Variants in CEP152 observed in about 807,000 individuals in gnomAD.
CEP152 encodes centrosomal protein of 152 kDa.
Under a neutral mutation model 188.9 loss-of-function variants are expected in CEP152, and 132 were observed. The ratio of observed to expected loss-of-function variants is 0.70; its 90% CI spans 0.61 to 0.81. CEP152 has a LOEUF of 0.81. CEP152 is among the 30% of genes least tolerant of loss of function. The probability of loss-of-function intolerance (pLI) is 0.00; values close to 1 mark genes in which losing one functional copy is unlikely to be tolerated. For synonymous variants in CEP152, 649 were observed against 666.6 expected, an observed-to-expected ratio of 0.97 and a Z score of 0.41; for missense variants, 1,914 against 1,969.8, an observed-to-expected ratio of 0.97 and a Z score of 0.54.
chr15:48,754,672 C>G (rs2140657619), intron 20 of CEP152, among the ~76,000 whole-genome samples: 1 of 152,230 alleles, frequency 6.6e-6, no homozygotes, highest in East Asian at 1.9e-4. Flanking sequence ...ATGGAGTGAG[C>G]TGATCTTTCA....
intron 8 of CEP152, chr15:48,789,297 T>C (rs1242343374): frequency 8.9e-6 from 4 of 448,052 alleles, no homozygotes; most frequent in African/African-American, 4.0e-5. Context: ...AGGCACGGAA[T>C]CTGCTGATGC....
chr15:48,809,970 C>CT (rs1898224412), intron 1 of CEP152, among the ~76,000 whole-genome samples: 1 of 152,228 alleles, frequency 6.6e-6, no homozygotes, highest in African/African-American at 2.4e-5. Context: ...CCCCATGGAG[C>CT]TGGCCACTCC....
At chr15:48,798,884 ACTGT>A (rs1282107423) in intron 2 of CEP152, among the ~76,000 whole-genome samples, 3 of 151,854 alleles carry the variant, frequency 2.0e-5, no homozygotes, top group African/African-American at 7.2e-5. Flanking sequence ...GATTTCAATA[ACTGT>A]CTGCTATTGT....
intron 19 of CEP152, among the ~76,000 whole-genome samples, chr15:48,757,148 C>G (rs564384914): frequency 1.5e-4 from 22 of 150,398 alleles, no homozygotes; most frequent in Admixed American, 8.2e-4. Flanking sequence ...AAAGTAATAG[C>G]GAAATCAAAA....
chr15:48,781,086 C>T (rs1896209874), intron 12 of CEP152, 110 bp downstream of exon 12: 1 of 925,276 alleles, frequency 1.1e-6, no homozygotes, highest in Non-Finnish European at 1.7e-6. Context: ...ATTCAATACA[C>T]AGTGTTAACA....
At chr15:48,768,514 T>C (rs1180116136) in intron 14 of CEP152, among the ~76,000 whole-genome samples, 186 bp from the exon 15 acceptor site, 1 of 152,232 alleles carries the variant, frequency 6.6e-6, no homozygotes, top group Non-Finnish European at 1.5e-5. Flanking sequence ...TAGATTCATT[T>C]ATTTGACAAG....
At chr15:48,764,147 GTCT>G (rs1299463787) in intron 17 of CEP152, among the ~76,000 whole-genome samples, 2 of 152,312 alleles carry the variant, frequency 1.3e-5, no homozygotes, top group Non-Finnish European at 2.9e-5. Flanking sequence ...AAGAAGAATT[GTCT>G]TCTAAAGTTA....
At chr15:48,761,478 A>G (rs1016520478) in intron 18 of CEP152, among the ~76,000 whole-genome samples, 10 of 152,210 alleles carry the variant, frequency 6.6e-5, no homozygotes, top group African/African-American at 2.4e-4. Flanking sequence ...CCTGTCAGGT[A>G]GTCTGTGAGG....
intron 7 of CEP152, 109 bp downstream of exon 7, chr15:48,793,212 C>A: frequency 7.7e-7 from 1 of 1,290,834 alleles, no homozygotes. Context: ...CACTATGAGC[C>A]CTCTGACCAA....
chr15:48,759,604 C>T (rs1344674189), intron 19 of CEP152, among the ~76,000 whole-genome samples: 2 of 152,102 alleles, frequency 1.3e-5, no homozygotes, highest in African/African-American at 2.4e-5. Flanking sequence ...TTTCCAAAAA[C>T]ATTTTATAGA....
intron 2 of CEP152, among the ~76,000 whole-genome samples, chr15:48,801,609 A>T (rs900774253): frequency 1.3e-5 from 2 of 152,216 alleles, no homozygotes; most frequent in East Asian, 3.8e-4. Context: ...CCAGCTCCAG[A>T]ATATATACAC....
At chr15:48,799,593 C>T (rs1007515506) in intron 2 of CEP152, among the ~76,000 whole-genome samples, 2 of 152,126 alleles carry the variant, frequency 1.3e-5, no homozygotes, top group Non-Finnish European at 2.9e-5. Context: ...CATTAACACA[C>T]AAGACCCTCA....
intron 12 of CEP152, among the ~76,000 whole-genome samples, chr15:48,773,966 C>G (rs1352298167): frequency 6.6e-6 from 1 of 151,962 alleles, no homozygotes; most frequent in Non-Finnish European, 1.5e-5. Context: ...AGAAACTAAC[C>G]CATCAATGAC....
At chr15:48,745,393 G>A (rs1392181104) in intron 22 of CEP152, among the ~76,000 whole-genome samples, 1 of 152,062 alleles carries the variant, frequency 6.6e-6, no homozygotes, top group South Asian at 2.1e-4. Context: ...CAAAAAGAAA[G>A]TTAACCTTAA....
intron 26 of CEP152, chr15:48,741,005 T>C (rs1892930283): frequency 1.0e-6 from 1 of 983,188 alleles, no homozygotes; most frequent in Non-Finnish European, 1.2e-6. Context: ...TGGAACAGTT[T>C]TGATATTGCT....
intron 13 of CEP152, 42 bp downstream of exon 13, chr15:48,772,445 G>A (rs758288815): frequency 4.6e-6 from 7 of 1,528,692 alleles, no homozygotes. Flanking sequence ...TCTTTATTGA[G>A]CCTTTTAAAA....
chr15:48,759,371 GAC>G (rs1376261262), intron 19 of CEP152, among the ~76,000 whole-genome samples: 3 of 152,098 alleles, frequency 2.0e-5, no homozygotes, highest in Non-Finnish European at 1.5e-5. Flanking sequence ...GCTATCATAA[GAC>G]TATTATGAAA....
In CEP152 at chr15:48,783,793, A is replaced by G. The variant is rs201761782; in HGVS notation, c.1321+180T>C. The stretch of plus-strand genomic sequence containing the variant: ...TGTGTATGTATATATATATATATGT[A>G]TATATATATATATGCCTTCTGTATA... On this transcript the variant is annotated intron_variant, in intron 10 of 26. Transcript: ENST00000380950. 3.5e-3 allele frequency: 529 copies of G among 153,140 alleles called. 1 individual carries two copies. The highest frequency in any genetic ancestry group is 8.7e-3 in the East Asian group (44 of 5,064). The allele number at this position is 153,140 out of a possible 1,614,324, so 9.5% of individuals were successfully genotyped here. A position where few individuals can be genotyped will look rare whatever the true frequency, so the allele number is the denominator to read the frequency against.
At chr15:48,777,490 G>GTGTGTC (rs1464027327) in intron 12 of CEP152, among the ~76,000 whole-genome samples, 2 of 151,702 alleles carry the variant, frequency 1.3e-5, no homozygotes, top group African/African-American at 2.4e-5. Flanking sequence ...GTGTGTGTGT[G>GTGTGTC]TGTGTGTCTG....
Sources: gnomAD v4.1 joint callset for allele counts (sites outside exome capture counted in the v4.1 genomes callset) on GRCh38, gnomAD v4.1.1 for gene constraint, MANE v1.5 for transcripts, NCBI Gene and HGNC (gene_info 2026-07-23, HGNC 2026-07-21) for gene names.